The following ZDHHC20 variants were observed in gnomAD, a reference collection of about 807,000 sequenced individuals.
The protein encoded by ZDHHC20 is zDHHC palmitoyltransferase 20.
In ZDHHC20, 43 loss-of-function variants were observed where a neutral mutation model predicts 57.8. The observed-to-expected ratio is 0.74, with a 90% CI of 0.58 to 0.96. ZDHHC20 has a LOEUF of 0.96. Ranked by LOEUF, ZDHHC20 falls within the 40% of genes least tolerant of loss-of-function variation. The pLI is 0.00. For missense variants in ZDHHC20, 391 were observed against 441.1 expected, an observed-to-expected ratio of 0.89 and a Z score of 1.02; for synonymous variants, 157 against 153.0, an observed-to-expected ratio of 1.03 and a Z score of -0.19.
intron 1 of ZDHHC20, among the ~76,000 whole-genome samples, chr13:21,447,789 A>G (rs1883917806): frequency 1.2e-5 from 1 of 85,996 alleles, no homozygotes; most frequent in Non-Finnish European, 2.9e-5. Flanking sequence ...CCCAGTCTGG[A>G]AAGTGAGGAG....
At chr13:21,384,386 G>C (rs1874052995) in intron 9 of ZDHHC20, among the ~76,000 whole-genome samples, 1 of 143,064 alleles carries the variant, frequency 7.0e-6, no homozygotes, top group Admixed American at 7.5e-5. Context: ...GTTGCAGTGA[G>C]CCAAGATCGC....
At position 21,442,417 on chromosome 13, in the gene ZDHHC20, T is replaced by C. The variant is rs118156906; in HGVS notation, c.118+16637A>G. Among the ~76,000 whole-genome samples, 106 of 152,318 alleles carry C rather than the reference T, an allele frequency of 7.0e-4. 1 individual carries two copies. Among genetic ancestry groups the C allele is most frequent in the Non-Finnish European group, 1.4e-3 (92 of 68,012 alleles). On this transcript the variant is annotated intron_variant, in intron 1 of 12. Coordinates refer to ENST00000400590, the MANE Select transcript of ZDHHC20 (RefSeq NM_001330059.2). ...CTTTCCTGAGTTTGAACAGCTCTTA[T>C]TTCAGATCTTCCTGCTCGCTGACTG...
At position 21,374,454 on chromosome 13, in the gene ZDHHC20, C is replaced by T. The variant is rs935901176; in HGVS notation, c.*2242G>A. The T allele has an allele frequency of 2.0e-5, 9 of 455,310 alleles. No homozygotes were observed. The highest frequency in any genetic ancestry group is 1.0e-4 in the African/African-American group (5 of 50,032). 28.2% of individuals were successfully genotyped at this position (455,310 alleles called of 1,614,324 possible). A position where few individuals can be genotyped will look rare whatever the true frequency, so the allele number is the denominator to read the frequency against. On this transcript the variant is annotated 3_prime_UTR_variant, in exon 13 of 13. Coordinates refer to ENST00000400590, the MANE Select transcript of ZDHHC20 (RefSeq NM_001330059.2). ...TTTGCCATTTTGACCAGGCTAATCT[C>T]GAACCCCTGACCTCAGGTGATCCGC...
chr13:21,448,206 C>CT (rs1187102975), intron 1 of ZDHHC20, among the ~76,000 whole-genome samples: 1 of 95,034 alleles, frequency 1.1e-5, no homozygotes, highest in Non-Finnish European at 2.6e-5. Flanking sequence ...GGGTCAGCCC[C>CT]CCGCCCGGCC....
intron 4 of ZDHHC20, among the ~76,000 whole-genome samples, chr13:21,409,619 G>A (rs571820772): frequency 1.3e-5 from 2 of 151,848 alleles, no homozygotes; most frequent in East Asian, 3.9e-4. Context: ...TTGTCTTTAT[G>A]CTTTATTTCA....
chr13:21,400,379 A>G lies in ZDHHC20; in HGVS notation c.588T>C (p.Phe196=). ...GATAGAAAAAAAGACTTACCGTCCA[A>G]AATTTTATAAAGTACTCTAAAACTG... is the stretch of plus-strand genomic sequence containing the variant. The part of the protein sequence containing the change: ...AATVLEYFIK[F]WTNELTDTRA... The change falls in exon 7 of 13, where the codon TTT becomes TTC. Residue 196 remains phenylalanine, a synonymous_variant. Transcript: ENST00000400590. The G allele has an allele frequency of 6.3e-7, 1 of 1,584,056 alleles. No homozygotes were observed. The highest frequency in any genetic ancestry group is 2.3e-5 in the East Asian group (1 of 44,436).
intron 1 of ZDHHC20, among the ~76,000 whole-genome samples, chr13:21,446,389 A>C (rs1027097271): frequency 6.6e-6 from 1 of 152,214 alleles, no homozygotes; most frequent in African/African-American, 2.4e-5. Flanking sequence ...TATCCTTTTC[A>C]TGCAATTAGT....
chr13:21,397,007 C>T (rs1321820008), intron 7 of ZDHHC20, among the ~76,000 whole-genome samples: 1 of 152,084 alleles, frequency 6.6e-6, no homozygotes, highest in Non-Finnish European at 1.5e-5. Context: ...CTTTTTCACT[C>T]CAAAAGTCAC....
chr13:21,398,183 G>A (rs926027088), intron 7 of ZDHHC20, among the ~76,000 whole-genome samples: 1 of 152,254 alleles, frequency 6.6e-6, no homozygotes, highest in Middle Eastern at 3.4e-3. Context: ...TAAACAAACA[G>A]GTTGGGCGCG....
At chr13:21,449,852 G>A (rs753644844) in intron 1 of ZDHHC20, among the ~76,000 whole-genome samples, 6 of 151,900 alleles carry the variant, frequency 3.9e-5, no homozygotes, top group African/African-American at 9.7e-5. Flanking sequence ...AGCTGGTCTC[G>A]AACTCCTGAC....
chr13:21,432,835 T>C (rs1882129381), intron 1 of ZDHHC20, among the ~76,000 whole-genome samples: 2 of 152,254 alleles, frequency 1.3e-5, no homozygotes, highest in South Asian at 4.1e-4. Flanking sequence ...TTAATTTTTT[T>C]ACATATGAAT....
rs577905892 is a variant in ZDHHC20, at chr13:21,399,801, A to G, written c.594+572T>C. Among the ~76,000 whole-genome samples the G allele has an allele frequency of 2.0e-5, 3 of 152,262 alleles. No homozygotes were observed. In the South Asian group the frequency reaches 6.2e-4, roughly 32 times the overall value. ...TACCTTGTTTTTTTCACGTTAATAA[A>G]AGATCTCAAAGATCACTTCACATCA... On this transcript the variant is annotated intron_variant, in intron 7 of 12. Transcript: ENST00000400590.
intron 1 of ZDHHC20, among the ~76,000 whole-genome samples, chr13:21,439,531 AAAAC>A (rs1882909610): frequency 6.6e-6 from 1 of 152,080 alleles, no homozygotes. Flanking sequence ...AAAACAAAAC[AAAAC>A]AAAGTAAAAC....
At chr13:21,386,182 A>C (rs1874443292) in intron 9 of ZDHHC20, among the ~76,000 whole-genome samples, 1 of 152,192 alleles carries the variant, frequency 6.6e-6, no homozygotes, top group African/African-American at 2.4e-5. Flanking sequence ...ATACAAAATG[A>C]AACACAGAAA....
chr13:21,441,966 T>C (rs959634495), intron 1 of ZDHHC20, among the ~76,000 whole-genome samples: 1 of 152,180 alleles, frequency 6.6e-6, no homozygotes, highest in African/African-American at 2.4e-5. Context: ...GTAATAGACA[T>C]AGTAGGTATC....
At chr13:21,378,364 T>C (rs1299452514) in intron 12 of ZDHHC20, among the ~76,000 whole-genome samples, 1 of 152,114 alleles carries the variant, frequency 6.6e-6, no homozygotes, top group Non-Finnish European at 1.5e-5. Flanking sequence ...CTGCCCACCT[T>C]TTTTTCTTTA....
intron 1 of ZDHHC20, among the ~76,000 whole-genome samples, chr13:21,430,707 G>A (rs756949259): frequency 1.3e-5 from 2 of 151,916 alleles, no homozygotes; most frequent in South Asian, 4.2e-4. Flanking sequence ...CTTTTCTAGG[G>A]TTTGTTTTGG....
chr13:21,384,569 G>A (rs1874106402), intron 9 of ZDHHC20, among the ~76,000 whole-genome samples: 1 of 151,652 alleles, frequency 6.6e-6, no homozygotes, highest in South Asian at 2.1e-4. Context: ...GCACTGTGGT[G>A]TACCTGAAGT....
intron 5 of ZDHHC20, 27 bp downstream of exon 5, chr13:21,402,763 CTAGATAT>C (rs1877883314): frequency 6.4e-7 from 1 of 1,551,226 alleles, no homozygotes; most frequent in South Asian, 1.2e-5. Flanking sequence ...ATTTCCAGTG[CTAGATAT>C]TAAGCATATG....
Sources: allele counts gnomAD v4.1 joint callset (sites outside exome capture counted in the v4.1 genomes callset), GRCh38; gene constraint gnomAD v4.1.1; transcripts MANE v1.5; gene names NCBI Gene and HGNC (gene_info 2026-07-23, HGNC 2026-07-21).